The following VARS1 variants were observed in gnomAD, a reference collection of about 807,000 sequenced individuals.
VARS1 encodes the protein valyl-tRNA synthetase 1.
Under a neutral mutation model 161.0 loss-of-function variants are expected in VARS1, and 92 were observed. The observed-to-expected ratio is 0.57, with a 90% CI of 0.48 to 0.68. The LOEUF (loss-of-function observed/expected upper bound fraction) is 0.68, where lower values mean the gene tolerates loss of function less well. Among genes scored for constraint, VARS1 ranks in the 30% least tolerant of loss-of-function variants. The pLI is 0.00. For missense variants in VARS1, 1,338 were observed against 1,695.9 expected (o/e 0.79, Z 3.71); for synonymous variants, 595 against 682.5 (o/e 0.87, Z 2.00).
chr6:31,785,540 C>T lies in VARS1; in HGVS notation c.1265+29G>A, dbSNP rs1417113364. On this transcript the variant is annotated intron_variant, in intron 9 of 29. Transcript: ENST00000375663. The surrounding 1 kb of genome is among the most constrained non-coding windows in gnomAD (Gnocchi z 6.1). ...GATAGGGGACAGGGAGGCAGGGCTG[C>T]GATGCCCACAGGGATGCTGCATACT... 8.3e-6 allele frequency: 13 copies of T among 1,570,112 alleles called. No individual in the cohort carries two copies. Among genetic ancestry groups the T allele is most frequent in the Admixed American group, 7.5e-5 (4 of 53,372 alleles).
intron 4 of VARS1, 62 bp downstream of exon 4, chr6:31,792,695 A>G: frequency 6.2e-7 from 1 of 1,602,274 alleles, no homozygotes; most frequent in Non-Finnish European, 8.5e-7. Context: ...GAAAAAAAGA[A>G]AGTGAGTTGC....
In VARS1 at chr6:31,779,407, TG is replaced by T; in HGVS notation, c.3400+17del. The T allele has an allele frequency of 6.2e-7, 1 of 1,609,660 alleles. No homozygotes were observed. Among genetic ancestry groups the T allele is most frequent in the Non-Finnish European group, 8.5e-7 (1 of 1,179,790 alleles). On this transcript the variant is annotated intron_variant, in intron 28 of 29. Transcript: ENST00000375663. This position sits in a 1 kb window ranked among gnomAD's most constrained non-coding sequence, Gnocchi z 9.1. ...AGGGGACAGTGGGATGGGGCGGACATGGGGGCCTGAGGCTCACAGTCAGGCC... is the reference window on the plus strand; with the variant it reads ...AGGGGACAGTGGGATGGGGCGGACATGGGGCCTGAGGCTCACAGTCAGGCC...
intron 13 of VARS1, among the ~76,000 whole-genome samples, chr6:31,783,497 G>A (rs1813296574): frequency 2.9e-4 from 44 of 152,070 alleles, no homozygotes; most frequent in Admixed American, 2.9e-3. Flanking sequence ...GCGATAGAGT[G>A]AGACCCTCTC....
At chr6:31,789,091 T>C (rs1813707031) in intron 8 of VARS1, among the ~76,000 whole-genome samples, 1 of 152,110 alleles carries the variant, frequency 6.6e-6, no homozygotes, top group Non-Finnish European at 1.5e-5. Context: ...AATATTACTT[T>C]GTATTTATCA....
rs763269784 is a variant in VARS1 at position 31,794,948 on chromosome 6, G to A, written c.270C>T (p.Ser90=). The change falls in exon 2 of 30, where the codon AGC becomes AGT. Residue 90 remains serine (S), a synonymous_variant. Coordinates refer to ENST00000375663, the MANE Select transcript of VARS1 (RefSeq NM_006295.3). ...ACTGTTGGACAAGGACAGCCGCCCGGCTGCCCCCTGGGCCCCCCAGGCCTG... is the reference window on the plus strand; with the variant it reads ...ACTGTTGGACAAGGACAGCCGCCCGACTGCCCCCTGGGCCCCCCAGGCCTG... ...WPAGLGGPGG[S]RAAVLVQQWV... 10 of 1,612,654 alleles carry A rather than the reference G, an allele frequency of 6.2e-6. No homozygotes were observed. The African/African-American group carries it at 9.3e-5, about 15-fold the overall frequency.
Position 31,779,644 on chromosome 6 carries a change from A to G in VARS1, c.3252T>C (p.Pro1084=). Residue 1084 remains proline, a synonymous_variant, in exon 27 of 30, where the codon CCT becomes CCC. Transcript: ENST00000375663. The surrounding 1 kb of genome is among the most constrained non-coding windows in gnomAD (Gnocchi z 9.1). ...RLPRRMPQAP[P]SLCVTPYPEP... is the part of the protein sequence containing the mutation. ...CCGGGTAGGGGGTAACACAGAGGCTAGGGGGAGCTTGCGGCATCCTCCGGG... is the reference window on the plus strand; with the variant it reads ...CCGGGTAGGGGGTAACACAGAGGCTGGGGGGAGCTTGCGGCATCCTCCGGG... 6.2e-7 allele frequency: 1 copy of G among 1,612,770 alleles called. No individual in the cohort carries two copies.
rs1477186798 is a variant in VARS1, at chr6:31,778,094, T to G, written c.3727-432A>C. On this transcript the variant is annotated intron_variant, in intron 29 of 29. Transcript: ENST00000375663. The surrounding 1 kb of genome is among the most constrained non-coding windows in gnomAD (Gnocchi z 5.1). ...TGGCCTCCATGACTGGTTTTCTCTG[T>G]GTCTGTGCAGTTTACTCCACTGCTT... 5.0e-6 allele frequency: 1 copy of G among 201,602 alleles called. No homozygotes were observed. The highest frequency in any genetic ancestry group is 1.0e-5 in the Non-Finnish European group (1 of 97,616). The allele number at this position is 201,602 out of a possible 1,614,324, so 12.5% of individuals were successfully genotyped here.
intron 2 of VARS1, among the ~76,000 whole-genome samples, chr6:31,793,395 A>G (rs1184644635): frequency 6.6e-6 from 1 of 151,332 alleles, no homozygotes; most frequent in African/African-American, 2.4e-5. Context: ...AGTCCCAGCT[A>G]CTCGGGAGGC....
At chr6:31,788,629 AC>A (rs1419216661) in intron 8 of VARS1, among the ~76,000 whole-genome samples, 3 of 149,962 alleles carry the variant, frequency 2.0e-5, no homozygotes, top group Non-Finnish European at 4.4e-5. Flanking sequence ...ACAGGGTGAA[AC>A]CCTGTCTCTA....
rs1813033737 is a variant in VARS1 at position 31,780,092 on chromosome 6, C to T, written c.2987G>A (p.Arg996Lys). Residue 996 changes from arginine to lysine, a missense_variant, in exon 26 of 30, where the codon AGG becomes AAG. Transcript: ENST00000375663. This position sits in a 1 kb window ranked among gnomAD's most constrained non-coding sequence, Gnocchi z 5.1. ...WIRSRLTEAV[R>K]LSNQGFQAYD... ...GGCCTGGAAGCCTTGATTGCTGAGC[C>T]TCACAGCCTCTGTCAGGCGGCTGCG... The T allele has an allele frequency of 6.2e-7, 1 of 1,614,112 alleles. No homozygotes were observed. Among genetic ancestry groups the T allele is most frequent in the Non-Finnish European group, 8.5e-7 (1 of 1,180,032 alleles).
Position 31,784,489 on chromosome 6 carries a change from T to A in VARS1, c.1481A>T (p.Glu494Val), listed in dbSNP as rs1355529506. 1 of 1,614,016 alleles carries A rather than the reference T, an allele frequency of 6.2e-7. No individual in the cohort carries two copies. Among genetic ancestry groups the A allele is most frequent in the South Asian group, 1.1e-5 (1 of 91,082 alleles). The change falls in exon 12 of 30, where the codon GAG becomes GTG. Residue 494 changes from glutamate to valine, a missense_variant. Physicochemically the swap from Glu to Val is moderately radical, Grantham distance 121. Coordinates refer to ENST00000375663, the MANE Select transcript of VARS1 (RefSeq NM_006295.3). This position sits in a 1 kb window ranked among gnomAD's most constrained non-coding sequence, Gnocchi z 6.1. Reference protein sequence around the residue: ...AISDIEVDKKELTGRTLLSVP... With the variant: ...AISDIEVDKKVLTGRTLLSVP... ...GGAGAGCAGGGTGCGACCTGTCAGC[T>A]CCTTCTTATCCACCTGTAAAATGGG...
Position 31,777,807 on chromosome 6 carries a change from C to T in VARS1, c.3727-145G>A. On this transcript the variant is annotated intron_variant, in intron 29 of 29. Coordinates refer to ENST00000375663, the MANE Select transcript of VARS1 (RefSeq NM_006295.3). The surrounding 1 kb of genome is among the most constrained non-coding windows in gnomAD (Gnocchi z 5.8). ...GGCGTGAACCTGGCTGGCCTGGCTC[C>T]CCACCCATTCCCACCAGCACCCCCA... 1 of 783,384 alleles carries T rather than the reference C, an allele frequency of 1.3e-6. No homozygotes were observed. The highest frequency in any genetic ancestry group is 2.1e-6 in the Non-Finnish European group (1 of 479,466). The allele number at this position is 783,384 out of a possible 1,614,324, so 48.5% of individuals were successfully genotyped here. A position where few individuals can be genotyped will look rare whatever the true frequency, so the allele number is the denominator to read the frequency against.
Position 31,792,981 on chromosome 6 carries a change from C to G in VARS1, c.522+5G>C. ...TCTTGTTCTTCCCCAGGCCTGGTGA[C>G]TCACGTATCGGAAAGGCAGCAGCAA... is the stretch of plus-strand genomic sequence containing the variant. On this transcript the variant is annotated splice_donor_5th_base_variant and intron_variant, in intron 3 of 29. Transcript: ENST00000375663. The G allele has an allele frequency of 6.2e-7, 1 of 1,613,868 alleles. No homozygotes were observed. The highest frequency in any genetic ancestry group is 8.5e-7 in the Non-Finnish European group (1 of 1,180,046).
Position 31,791,500 on chromosome 6 carries a change from G to T in VARS1, c.1100+110C>A. On this transcript the variant is annotated intron_variant, in intron 8 of 29. Coordinates refer to ENST00000375663, the MANE Select transcript of VARS1 (RefSeq NM_006295.3). This position sits in a 1 kb window ranked among gnomAD's most constrained non-coding sequence, Gnocchi z 5.0. ...AGAGAGAAGTGTAGCACCACTGGGG[G>T]CAGAAGTGAGCACCAACCCAGAAGG... The T allele has an allele frequency of 2.1e-6, 3 of 1,428,232 alleles. No homozygotes were observed. Among genetic ancestry groups the T allele is most frequent in the Non-Finnish European group, 1.9e-6 (2 of 1,071,392 alleles). The allele number at this position is 1,428,232 out of a possible 1,614,324, so 88.5% of individuals were successfully genotyped here. A position where few individuals can be genotyped will look rare whatever the true frequency, so the allele number is the denominator to read the frequency against.
intron 3 of VARS1, 23 bp downstream of exon 3, chr6:31,792,963 C>G: frequency 6.2e-7 from 1 of 1,614,050 alleles, no homozygotes; most frequent in Non-Finnish European, 8.5e-7. Context: ...CAGTCTTGTT[C>G]TTCCCCAGGC....
chr6:31,795,103 G>T lies in VARS1; in HGVS notation c.115C>A (p.Arg39Ser). 6.7e-7 allele frequency: 1 copy of T among 1,488,154 alleles called. No individual in the cohort carries two copies. The highest frequency in any genetic ancestry group is 2.5e-5 in the Admixed American group (1 of 40,326). The allele number at this position is 1,488,154 out of a possible 1,614,324, so 92.2% of individuals were successfully genotyped here. Reference protein sequence around the residue: ...EGPGWGGAHPRICLQPPPTSR... With the variant: ...EGPGWGGAHPSICLQPPPTSR... ...GTCGGGGGTGGCTGGAGACAGATGC[G>T]GGGGTGGGCTCCTCCCCATCCGGGA... is the stretch of plus-strand genomic sequence containing the variant. Residue 39 changes from arginine to serine, a missense_variant, in exon 2 of 30, where the codon CGC (arginine) becomes AGC (serine). Around this residue, in one of 3 missense-constraint regions of VARS1, gnomAD observed 902 missense variants for 1,090.3 expected, o/e 0.83. Coordinates refer to ENST00000375663, the MANE Select transcript of VARS1 (RefSeq NM_006295.3). This position sits in a 1 kb window ranked among gnomAD's most constrained non-coding sequence, Gnocchi z 6.9.
At chr6:31,783,024 C>T in intron 14 of VARS1, 72 bp downstream of exon 14, 1 of 1,572,192 alleles carries the variant, frequency 6.4e-7, no homozygotes, top group African/African-American at 1.4e-5. Flanking sequence ...TTCTTTTTCT[C>T]TGAGAGAAGA....
intron 2 of VARS1, among the ~76,000 whole-genome samples, chr6:31,793,398 C>T (rs1378939169): frequency 2.6e-5 from 4 of 150,966 alleles, no homozygotes; most frequent in Admixed American, 1.3e-4. Flanking sequence ...CCCAGCTACT[C>T]GGGAGGCTGA....
At position 31,785,546 on chromosome 6, in the gene VARS1, C is replaced by G; in HGVS notation, c.1265+23G>C. Reference sequence around the variant, plus strand: ...GGACAGGGAGGCAGGGCTGCGATGCCCACAGGGATGCTGCATACTCACTCC... The same window carrying G: ...GGACAGGGAGGCAGGGCTGCGATGCGCACAGGGATGCTGCATACTCACTCC... On this transcript the variant is annotated intron_variant, in intron 9 of 29. Transcript: ENST00000375663. The surrounding 1 kb of genome is among the most constrained non-coding windows in gnomAD (Gnocchi z 6.1). 6.9e-6 allele frequency: 11 copies of G among 1,584,732 alleles called. No individual in the cohort carries two copies. Among genetic ancestry groups the G allele is most frequent in the Non-Finnish European group, 9.4e-6 (11 of 1,165,734 alleles).
Sources: gnomAD v4.1 joint callset for allele counts (sites outside exome capture counted in the v4.1 genomes callset) on GRCh38, gnomAD v4.1.1 for gene constraint, gnomAD v4.1.1 regional missense constraint, Gnocchi (gnomAD v3.1) non-coding constraint, MANE v1.5 for transcripts, NCBI Gene and HGNC (gene_info 2026-07-23, HGNC 2026-07-21) for gene names.